SORCS2: variants seen among roughly 807,000 people sequenced by gnomAD.
SORCS2 encodes VPS10 domain-containing receptor SorCS2.
Under a neutral mutation model 141.6 loss-of-function variants are expected in SORCS2, and 100 were observed. The observed-to-expected ratio is 0.71, with a 90% CI of 0.60 to 0.83. The LOEUF (loss-of-function observed/expected upper bound fraction) is 0.83, where lower values mean the gene tolerates loss of function less well. Among genes scored for constraint, SORCS2 ranks in the 40% least tolerant of loss-of-function variants. The pLI is 0.00. For synonymous variants in SORCS2, 789 were observed against 676.9 expected (o/e 1.17, Z -2.57); for missense variants, 1,646 against 1,560.2 (o/e 1.05, Z -0.93).
intron 3 of SORCS2, among the ~76,000 whole-genome samples, chr4:7,626,235 G>C (rs1427755612): frequency 1.3e-5 from 2 of 152,208 alleles, no homozygotes; most frequent in African/African-American, 4.8e-5. Flanking sequence ...ACCTTAGTTT[G>C]TAACAGGTGT....
chr4:7,538,050 T>C (rs1712274996), intron 3 of SORCS2, among the ~76,000 whole-genome samples: 1 of 152,122 alleles, frequency 6.6e-6, no homozygotes, highest in Admixed American at 6.5e-5. Context: ...GTGACTCTGA[T>C]TGGGAAAAGA....
chr4:7,653,883 C>A (rs1243485476), intron 4 of SORCS2, among the ~76,000 whole-genome samples: 1 of 152,206 alleles, frequency 6.6e-6, no homozygotes, highest in Non-Finnish European at 1.5e-5. Flanking sequence ...CTCTGTGAGA[C>A]CCCTCTGGAT....
chr4:7,576,884 G>C (rs1715786978), intron 3 of SORCS2, among the ~76,000 whole-genome samples: 1 of 152,200 alleles, frequency 6.6e-6, no homozygotes, highest in Admixed American at 6.5e-5. Flanking sequence ...CAGCAACTCA[G>C]TTCTATTCAA....
chr4:7,557,292 G>T (rs140819067), intron 3 of SORCS2, among the ~76,000 whole-genome samples: 89 of 152,264 alleles, frequency 5.8e-4, no homozygotes, highest in African/African-American at 1.9e-3. Context: ...GGCAGGGATG[G>T]CTGGGGGCAC....
At chr4:7,284,414 A>G (rs1333108377) in intron 1 of SORCS2, among the ~76,000 whole-genome samples, 1 of 152,194 alleles carries the variant, frequency 6.6e-6, no homozygotes, top group African/African-American at 2.4e-5. Context: ...CAAGCTGTGC[A>G]CAGCCTTCAG....
intron 2 of SORCS2, among the ~76,000 whole-genome samples, chr4:7,422,927 G>A (rs940560715): frequency 6.6e-6 from 1 of 152,124 alleles, no homozygotes; most frequent in East Asian, 1.9e-4. Context: ...CGCAGACCAC[G>A]GCCCCTCTCC....
At chr4:7,588,343 G>A (rs1219452697) in intron 3 of SORCS2, among the ~76,000 whole-genome samples, 1 of 152,202 alleles carries the variant, frequency 6.6e-6, no homozygotes, top group African/African-American at 2.4e-5. Flanking sequence ...TTTCGGATGA[G>A]GAGGAATGGC....
At chr4:7,412,173 G>A (rs937055769) in intron 2 of SORCS2, among the ~76,000 whole-genome samples, 14 of 152,140 alleles carry the variant, frequency 9.2e-5, no homozygotes, top group Admixed American at 5.9e-4. Flanking sequence ...AGTGTGTCAC[G>A]GCCCATCGGG....
At chr4:7,534,796 C>G (rs537554280) in intron 3 of SORCS2, among the ~76,000 whole-genome samples, 4 of 152,372 alleles carry the variant, frequency 2.6e-5, no homozygotes, top group African/African-American at 9.6e-5. Flanking sequence ...AACACCTTGC[C>G]TTCAGCTTTG....
At chr4:7,381,952 C>G (rs970747300) in intron 1 of SORCS2, 11 of 985,996 alleles carry the variant, frequency 1.1e-5, no homozygotes, top group African/African-American at 1.7e-5. Context: ...CCACTAGCCT[C>G]TCTGGGCCAG....
In SORCS2 at chr4:7,531,565, C is replaced by A. The variant is rs753414861; in HGVS notation, c.584C>A (p.Thr195Asn). ...SDFGTSYTKL[T>N]LQPGVTTVID... Reference sequence around the variant, plus strand: ...TTCGGGACGTCCTACACCAAGCTCACCCTCCAGCCTGGTGTCACCACCGTC... The same window carrying A: ...TTCGGGACGTCCTACACCAAGCTCAACCTCCAGCCTGGTGTCACCACCGTC... The change falls in exon 3 of 27, where the codon ACC becomes AAC. Residue 195 changes from threonine to asparagine, a missense_variant. Thr to Asn is a moderately conservative substitution (Grantham distance 65). Transcript: ENST00000507866. 6.2e-7 allele frequency: 1 copy of A among 1,613,932 alleles called. No homozygotes were observed.
In SORCS2 at chr4:7,352,901, G is replaced by A. The variant is rs187033536; in HGVS notation, c.481-43387G>A. Among the ~76,000 whole-genome samples, 332 of 151,238 alleles carry A rather than the reference G, an allele frequency of 2.2e-3. 1 individual carries two copies. The highest frequency in any genetic ancestry group is 7.8e-3 in the African/African-American group (318 of 40,558). On this transcript the variant is annotated intron_variant, in intron 1 of 26. Coordinates refer to ENST00000507866, the MANE Select transcript of SORCS2 (RefSeq NM_020777.3). Reference sequence around the variant, plus strand: ...GTAGGTGGCTGAATCTTATAACCACGGTTCCTTGGAACCTCCTAACACCCT... The same window carrying A: ...GTAGGTGGCTGAATCTTATAACCACAGTTCCTTGGAACCTCCTAACACCCT...
intron 16 of SORCS2, 62 bp downstream of exon 16, chr4:7,714,435 C>A (rs953586320): frequency 6.6e-7 from 1 of 1,512,114 alleles, no homozygotes; most frequent in Non-Finnish European, 8.9e-7. Context: ...CACAGCATGG[C>A]GGCCACTTCC....
intron 3 of SORCS2, among the ~76,000 whole-genome samples, chr4:7,586,213 G>T (rs1220199503): frequency 6.6e-6 from 1 of 152,054 alleles, no homozygotes; most frequent in Non-Finnish European, 1.5e-5. Context: ...TGACTGATTT[G>T]CTTCCTTCTG....
At position 7,703,314 on chromosome 4, in the gene SORCS2, A is replaced by G; in HGVS notation, c.1703A>G (p.Asp568Gly). The change falls in exon 13 of 27, where the codon GAC (aspartate) becomes GGC (glycine). Residue 568 changes from aspartate (D) to glycine (G), a missense_variant. Transcript: ENST00000507866. ...FEEEHHILYL[D>G]HGGVIVAIKD... Reference sequence around the variant, plus strand: ...GAAGAGCATCACATCCTGTACCTGGACCACGGCGGCGTGATCGTGGCCATC... The same window carrying G: ...GAAGAGCATCACATCCTGTACCTGGGCCACGGCGGCGTGATCGTGGCCATC... 1 of 1,613,266 alleles carries G rather than the reference A, an allele frequency of 6.2e-7. No homozygotes were observed. Among genetic ancestry groups the G allele is most frequent in the Non-Finnish European group, 8.5e-7 (1 of 1,179,634 alleles).
intron 2 of SORCS2, among the ~76,000 whole-genome samples, chr4:7,523,921 G>A (rs1733501387): frequency 1.3e-5 from 2 of 152,190 alleles, no homozygotes; most frequent in Admixed American, 1.3e-4. Context: ...CTTCCCACTG[G>A]CCTCAAACTC....
intron 8 of SORCS2, among the ~76,000 whole-genome samples, chr4:7,674,304 G>T (rs1222749345): frequency 6.6e-6 from 1 of 152,120 alleles, no homozygotes; most frequent in Non-Finnish European, 1.5e-5. Flanking sequence ...ACTCGGCCGG[G>T]CGCGGTGGCT....
At chr4:7,293,890 C>T (rs534081688) in intron 1 of SORCS2, among the ~76,000 whole-genome samples, 15 of 152,302 alleles carry the variant, frequency 9.8e-5, no homozygotes, top group East Asian at 3.9e-4. Context: ...TTGGCTATTC[C>T]GAGGCGCTGT....
chr4:7,584,627 C>T (rs898146893), intron 3 of SORCS2, among the ~76,000 whole-genome samples: 5 of 152,198 alleles, frequency 3.3e-5, no homozygotes, highest in African/African-American at 1.2e-4. Context: ...GCTGCCTCCA[C>T]AGTAGATAAA....
Sources: gnomAD v4.1 joint callset for allele counts (sites outside exome capture counted in the v4.1 genomes callset) on GRCh38, gnomAD v4.1.1 for gene constraint, MANE v1.5 for transcripts, NCBI Gene and HGNC (gene_info 2026-07-23, HGNC 2026-07-21) for gene names.